Variants in DLC1 observed in about 807,000 individuals in gnomAD.
DLC1 encodes the protein DLC1 Rho GTPase activating protein.
In DLC1, 54 loss-of-function variants were observed where a neutral mutation model predicts 140.3. The ratio of observed to expected loss-of-function variants is 0.38; its 90% CI spans 0.31 to 0.48. DLC1 has a LOEUF of 0.48. Ranked by LOEUF, DLC1 falls within the 20% of genes least tolerant of loss-of-function variation. The pLI is 0.96. For missense variants in DLC1, 2,536 were observed against 1,907.0 expected (o/e 1.33, Z -6.14); for synonymous variants, 986 against 728.1 (o/e 1.35, Z -5.70).
rs1828130732 is a variant in DLC1, at chr8:13,215,051, C to CA, written c.1348+90217dup. ...TTCGGCAAATAATTATAGAGGCTAC[C>CA]ATGTGCTGGGCAGTGTTCTAAGCAA... is the stretch of plus-strand genomic sequence containing the variant. On this transcript the variant is annotated intron_variant, in intron 5 of 17. Coordinates refer to ENST00000276297, the MANE Select transcript of DLC1 (RefSeq NM_182643.3). Among the ~76,000 whole-genome samples, 3 of 152,176 alleles carry CA rather than the reference C, an allele frequency of 2.0e-5. No individual in the cohort carries two copies. The South Asian group carries it at 6.2e-4, about 32-fold the overall frequency.
intron 5 of DLC1, among the ~76,000 whole-genome samples, chr8:13,245,226 T>C (rs1262773971): frequency 6.6e-6 from 1 of 152,208 alleles, no homozygotes; most frequent in Non-Finnish European, 1.5e-5. Context: ...AGGTGCTCCG[T>C]TGAGGCCCCA....
chr8:13,259,780 C>T (rs1830406137), intron 5 of DLC1, among the ~76,000 whole-genome samples: 1 of 149,566 alleles, frequency 6.7e-6, no homozygotes, highest in Non-Finnish European at 1.5e-5. Flanking sequence ...GCACTATATA[C>T]AAGTACAACA....
chr8:13,399,011 G>C (rs181247316), intron 3 of DLC1, among the ~76,000 whole-genome samples: 2 of 152,268 alleles, frequency 1.3e-5, no homozygotes, highest in East Asian at 3.9e-4. Context: ...AAATGTGGGA[G>C]AAGATCCAGG....
At chr8:13,391,208 A>G (rs1389871481) in intron 4 of DLC1, among the ~76,000 whole-genome samples, 3 of 152,090 alleles carry the variant, frequency 2.0e-5, no homozygotes, top group African/African-American at 4.8e-5. Flanking sequence ...GCTGCTGGTC[A>G]AGATTATTTT....
At chr8:13,326,168 C>T (rs10112167) in intron 4 of DLC1, among the ~76,000 whole-genome samples, 60,552 of 152,118 alleles carry the variant, frequency 0.4, 12,207 homozygotes, top group East Asian at 0.45. Context: ...CATGACTATA[C>T]TGCAAGGCAA....
intron 4 of DLC1, among the ~76,000 whole-genome samples, chr8:13,357,139 T>G (rs1303781360): frequency 6.6e-6 from 1 of 152,104 alleles, no homozygotes; most frequent in African/African-American, 2.4e-5. Context: ...GGCATGGTGA[T>G]GTGTGCCTGT....
At chr8:13,477,418 A>G (rs886488885) in intron 2 of DLC1, among the ~76,000 whole-genome samples, 1 of 152,192 alleles carries the variant, frequency 6.6e-6, no homozygotes, top group Non-Finnish European at 1.5e-5. Context: ...AGGAGCACGG[A>G]TGTACATTGT....
chr8:13,386,148 G>A (rs1269219468), intron 4 of DLC1, among the ~76,000 whole-genome samples: 2 of 152,138 alleles, frequency 1.3e-5, no homozygotes, highest in African/African-American at 4.8e-5. Context: ...TTTTCTCATT[G>A]TAATGATGAT....
chr8:13,182,617 G>T (rs1245457242), intron 5 of DLC1, among the ~76,000 whole-genome samples: 2 of 152,174 alleles, frequency 1.3e-5, no homozygotes, highest in East Asian at 3.9e-4. Flanking sequence ...GTTTGTCAAA[G>T]ATCAGATGGT....
intron 4 of DLC1, among the ~76,000 whole-genome samples, chr8:13,346,698 G>T (rs1334872015): frequency 1.3e-5 from 2 of 152,202 alleles, no homozygotes; most frequent in African/African-American, 4.8e-5. Context: ...GAGGGCTGGA[G>T]TGGGCTTGCC....
At chr8:13,295,136 A>C (rs1463103806) in intron 5 of DLC1, among the ~76,000 whole-genome samples, 1 of 152,188 alleles carries the variant, frequency 6.6e-6, no homozygotes, top group Non-Finnish European at 1.5e-5. Context: ...TTAAAGAGAA[A>C]GGGGGAATTT....
At chr8:13,230,559 A>T (rs144047078) in intron 5 of DLC1, among the ~76,000 whole-genome samples, 355 of 152,088 alleles carry the variant, frequency 2.3e-3, no homozygotes, top group African/African-American at 7.9e-3. Context: ...AAGTGGCTTC[A>T]ATCCAGATAG....
chr8:13,101,572 G>T (rs1004004861), intron 8 of DLC1, among the ~76,000 whole-genome samples: 2 of 152,092 alleles, frequency 1.3e-5, no homozygotes, highest in African/African-American at 2.4e-5. Context: ...TGGAGTAAAG[G>T]GGCCCTGGAT....
chr8:13,573,295 T>A (rs1376211408), intron 1 of DLC1, among the ~76,000 whole-genome samples: 1 of 152,192 alleles, frequency 6.6e-6, no homozygotes, highest in Non-Finnish European at 1.5e-5. Flanking sequence ...TACAGTTGAT[T>A]TTTGCATGCT....
intron 5 of DLC1, among the ~76,000 whole-genome samples, chr8:13,270,185 C>T (rs1830873827): frequency 6.6e-6 from 1 of 152,118 alleles, no homozygotes; most frequent in Admixed American, 6.5e-5. Flanking sequence ...TATGAGATAG[C>T]CTCAGATCCT....
At chr8:13,560,070 C>G (rs964954099) in intron 1 of DLC1, among the ~76,000 whole-genome samples, 5 of 152,116 alleles carry the variant, frequency 3.3e-5, no homozygotes, top group South Asian at 4.1e-4. Flanking sequence ...AGAGATGGTA[C>G]AATTCAAATT....
chr8:13,507,955 G>C (rs1802176067), intron 1 of DLC1, among the ~76,000 whole-genome samples: 1 of 152,072 alleles, frequency 6.6e-6, no homozygotes, highest in Non-Finnish European at 1.5e-5. Flanking sequence ...CCATTTTTAG[G>C]TATATCTGAG....
intron 5 of DLC1, among the ~76,000 whole-genome samples, chr8:13,279,442 G>T (rs1831287744): frequency 6.6e-6 from 1 of 152,182 alleles, no homozygotes; most frequent in South Asian, 2.1e-4. Flanking sequence ...ACCTACTTAA[G>T]AGGACTTTAT....
intron 5 of DLC1, among the ~76,000 whole-genome samples, chr8:13,269,244 T>A (rs981123657): frequency 6.6e-5 from 10 of 152,096 alleles, no homozygotes; most frequent in Non-Finnish European, 1.5e-4. Flanking sequence ...AGTACTATAG[T>A]CGTGAGTTTG....
Sources: gnomAD v4.1 joint callset for allele counts (sites outside exome capture counted in the v4.1 genomes callset) on GRCh38, gnomAD v4.1.1 for gene constraint, MANE v1.5 for transcripts, NCBI Gene and HGNC (gene_info 2026-07-23, HGNC 2026-07-21) for gene names.